Variants in ATP2B1 observed in about 807,000 individuals in gnomAD.
ATP2B1 encodes plasma membrane calcium-transporting ATPase 1.
Under a neutral mutation model 124.2 loss-of-function variants are expected in ATP2B1, and 14 were observed. That is an observed-to-expected ratio of 0.11 (90% CI 0.07 to 0.18). The LOEUF (loss-of-function observed/expected upper bound fraction) is 0.18, where lower values mean the gene tolerates loss of function less well. Ranked by LOEUF, ATP2B1 falls within the 10% of genes least tolerant of loss-of-function variation. The probability of loss-of-function intolerance (pLI) is 1.00; values close to 1 mark genes in which losing one functional copy is unlikely to be tolerated. For synonymous variants in ATP2B1, 449 were observed against 492.4 expected, an observed-to-expected ratio of 0.91 and a Z score of 1.17; for missense variants, 763 against 1,466.1, an observed-to-expected ratio of 0.52 and a Z score of 7.83.
At chr12:89,679,128 G>GA (rs34722936) in intron 1 of ATP2B1, among the ~76,000 whole-genome samples, 9 of 151,522 alleles carry the variant, frequency 5.9e-5, no homozygotes, top group East Asian at 1.9e-4. Context: ...CAAGCTTTTG[G>GA]AAAAAAAAGG....
At chr12:89,633,572 AT>A (rs200720715) in intron 5 of ATP2B1, among the ~76,000 whole-genome samples, 1,650 of 151,208 alleles carry the variant, frequency 0.011, 19 homozygotes, top group Non-Finnish European at 0.017. Context: ...AATTACTCTG[AT>A]TTTTTTGCAA....
intron 1 of ATP2B1, among the ~76,000 whole-genome samples, chr12:89,682,003 C>T (rs1009953890): frequency 6.6e-5 from 10 of 152,172 alleles, no homozygotes; most frequent in South Asian, 2.1e-4. Flanking sequence ...TTGAATATCA[C>T]GGACTGAGAG....
Position 89,611,297 on chromosome 12 carries a change from C to T in ATP2B1, c.2143G>A (p.Ala715Thr). Residue 715 changes from alanine to threonine, a missense_variant, in exon 13 of 21, where the codon GCT becomes ACT. By Grantham distance (58) the Ala-to-Thr change is moderately conservative (BLOSUM62 0). Around this residue, in one of 7 missense-constraint regions of ATP2B1, gnomAD observed 392 missense variants for 776.6 expected, o/e 0.50. Coordinates refer to ENST00000428670, the MANE Select transcript of ATP2B1 (RefSeq NM_001366521.1). Reference sequence around the variant, plus strand: ...CCACATTTGGTAGCAATGGCCCGAGCAGTATTAATATTATCACCAGTGACC... The same window carrying T: ...CCACATTTGGTAGCAATGGCCCGAGTAGTATTAATATTATCACCAGTGACC... ...RMVTGDNINT[A>T]RAIATKCGIL... is the part of the protein sequence containing the mutation. The T allele has an allele frequency of 6.2e-7, 1 of 1,610,900 alleles. No individual in the cohort carries two copies. The highest frequency in any genetic ancestry group is 8.5e-7 in the Non-Finnish European group (1 of 1,178,632).
At chr12:89,691,533 T>C (rs1022539332) in intron 1 of ATP2B1, among the ~76,000 whole-genome samples, 26 of 152,264 alleles carry the variant, frequency 1.7e-4, no homozygotes, top group African/African-American at 5.3e-4. Flanking sequence ...CTTCTGTCAA[T>C]GTACCACATA....
intron 8 of ATP2B1, 133 bp downstream of exon 8, chr12:89,626,321 G>T: frequency 4.0e-6 from 4 of 993,628 alleles, no homozygotes; most frequent in East Asian, 2.6e-5. Flanking sequence ...ATTGTAGCTA[G>T]AACTGAAAAT....
At chr12:89,697,419 T>C (rs1451963258) in intron 1 of ATP2B1, among the ~76,000 whole-genome samples, 2 of 152,168 alleles carry the variant, frequency 1.3e-5, no homozygotes, top group Non-Finnish European at 2.9e-5. Context: ...ATAGACTGTC[T>C]TCACTAAAGA....
intron 18 of ATP2B1, among the ~76,000 whole-genome samples, chr12:89,602,046 T>A (rs900307440): frequency 6.6e-6 from 1 of 152,098 alleles, no homozygotes; most frequent in Admixed American, 6.5e-5. Context: ...ATGAAAAGAG[T>A]GAGGTCTGAT....
intron 1 of ATP2B1, among the ~76,000 whole-genome samples, chr12:89,658,488 A>C (rs916621312): frequency 6.6e-6 from 1 of 152,188 alleles, no homozygotes; most frequent in South Asian, 2.1e-4. Context: ...TTGTCACACA[A>C]AAACCAAGTC....
At chr12:89,685,390 C>G (rs999293411) in intron 1 of ATP2B1, among the ~76,000 whole-genome samples, 11 of 152,266 alleles carry the variant, frequency 7.2e-5, no homozygotes, top group African/African-American at 2.4e-4. Context: ...CCTCTGGTCA[C>G]TATCCTCCCT....
chr12:89,650,324 A>C (rs554349809), intron 2 of ATP2B1, among the ~76,000 whole-genome samples: 7 of 152,328 alleles, frequency 4.6e-5, no homozygotes, highest in African/African-American at 1.7e-4. Flanking sequence ...CCCGTCCCTA[A>C]CTGCAAATTT....
chr12:89,633,936 A>G (rs1406647089), intron 5 of ATP2B1, among the ~76,000 whole-genome samples: 1 of 152,122 alleles, frequency 6.6e-6, no homozygotes, highest in Admixed American at 6.6e-5. Context: ...AAGAATAGGA[A>G]CCCCAGAACC....
At chr12:89,663,894 T>C (rs1357745464) in intron 1 of ATP2B1, among the ~76,000 whole-genome samples, 3 of 152,220 alleles carry the variant, frequency 2.0e-5, no homozygotes, top group Non-Finnish European at 4.4e-5. Context: ...CTGTCCTTTT[T>C]TTCGAAGAAG....
At chr12:89,618,597 T>C (rs1269729632) in intron 11 of ATP2B1, among the ~76,000 whole-genome samples, 1 of 152,240 alleles carries the variant, frequency 6.6e-6, no homozygotes, top group Non-Finnish European at 1.5e-5. Context: ...GTATATGGCC[T>C]GTGTGCCACA....
At chr12:89,673,364 G>A (rs552685536) in intron 1 of ATP2B1, among the ~76,000 whole-genome samples, 5 of 152,140 alleles carry the variant, frequency 3.3e-5, no homozygotes, top group South Asian at 2.1e-4. Context: ...ATGCGCTCTC[G>A]TCTTTCCTAT....
At chr12:89,620,545 A>T (rs1370062477) in intron 10 of ATP2B1, among the ~76,000 whole-genome samples, 1 of 152,172 alleles carries the variant, frequency 6.6e-6, no homozygotes, top group East Asian at 1.9e-4. Flanking sequence ...GTGATATAAG[A>T]TGTATGAAGT....
chr12:89,644,535 AAAAAAAAAAAG>A (rs1378576024), intron 2 of ATP2B1, among the ~76,000 whole-genome samples: 6 of 144,208 alleles, frequency 4.2e-5, no homozygotes, highest in Admixed American at 2.1e-4. Context: ...TTCTCAGTTG[AAAAAAAAAAAG>A]AAAAAAAAAA....
intron 1 of ATP2B1, among the ~76,000 whole-genome samples, chr12:89,667,145 A>G (rs1011935340): frequency 6.6e-6 from 1 of 152,140 alleles, no homozygotes; most frequent in Non-Finnish European, 1.5e-5. Context: ...GACAAACTGA[A>G]TCCATTCTTC....
chr12:89,701,370 T>C (rs1037324610), intron 1 of ATP2B1, among the ~76,000 whole-genome samples: 4 of 152,202 alleles, frequency 2.6e-5, no homozygotes, highest in African/African-American at 9.6e-5. Flanking sequence ...CATTTGGAGA[T>C]AACATAAAAG....
chr12:89,665,782 T>C (rs1887245537), intron 1 of ATP2B1, among the ~76,000 whole-genome samples: 1 of 152,198 alleles, frequency 6.6e-6, no homozygotes, highest in African/African-American at 2.4e-5. Flanking sequence ...CCTACTCAGT[T>C]CTTAAGAGCT....
Sources: allele counts gnomAD v4.1 joint callset (sites outside exome capture counted in the v4.1 genomes callset), GRCh38; gene constraint gnomAD v4.1.1; regional missense constraint gnomAD v4.1.1; transcripts MANE v1.5; gene names NCBI Gene and HGNC (gene_info 2026-07-23, HGNC 2026-07-21).